TMEM266: variants seen among roughly 807,000 people sequenced by gnomAD.
The protein encoded by TMEM266 is Hv1 related protein 1.
TMEM266 carries 33 observed loss-of-function variants against 50.5 expected under a neutral mutation model. The ratio of observed to expected loss-of-function variants is 0.65; its 90% confidence interval spans 0.50 to 0.87. The LOEUF (loss-of-function observed/expected upper bound fraction) is 0.87. Ranked by LOEUF, TMEM266 falls within the 40% of genes least tolerant of loss-of-function variation. The pLI is 0.00. For missense variants in TMEM266, 655 were observed against 695.1 expected, an observed-to-expected ratio of 0.94 and a Z score of 0.65; for synonymous variants, 310 against 292.3, an observed-to-expected ratio of 1.06 and a Z score of -0.62.
intron 6 of TMEM266, 26 bp downstream of exon 6, chr15:76,169,898 G>A (rs1567174702): frequency 3.7e-6 from 6 of 1,607,296 alleles, no homozygotes. Context: ...CACCCCCAAA[G>A]CCCCCACTCT....
At chr15:76,062,101 TAGA>T (rs529545461) in intron 1 of TMEM266, among the ~76,000 whole-genome samples, 1 of 152,352 alleles carries the variant, frequency 6.6e-6, no homozygotes, top group South Asian at 2.1e-4. Flanking sequence ...CTCATGGACT[TAGA>T]AATTGCTGTA....
intron 1 of TMEM266, among the ~76,000 whole-genome samples, chr15:76,124,846 C>T (rs534496846): frequency 3.3e-4 from 50 of 151,954 alleles, no homozygotes; most frequent in African/African-American, 1.2e-3. Context: ...AAAAAAATTC[C>T]TAAAATTTGT....
intron 3 of TMEM266, among the ~76,000 whole-genome samples, chr15:76,145,642 T>G (rs8043371): frequency 0.15 from 23,334 of 152,248 alleles, 2,002 homozygotes; most frequent in African/African-American, 0.21. Context: ...GTGTGAACAT[T>G]AGAGAGAGGA....
At position 76,076,977 on chromosome 15, in the gene TMEM266, T is replaced by TG. The variant is rs1469366534; in HGVS notation, c.-97+16961_-97+16962insG. ...TGTTTGTTGTTGTTGTTGTTGTTGT[T>TG]TTTTTGAGACAAGGCCTCACTCTGT... On this transcript the variant is annotated intron_variant, in intron 1 of 10. Coordinates refer to ENST00000388942, the MANE Select transcript of TMEM266 (RefSeq NM_152335.3). Among the ~76,000 whole-genome samples, 471 of 152,016 alleles carry TG rather than the reference T, an allele frequency of 3.1e-3. 6 individuals are homozygous for TG. The highest frequency in any genetic ancestry group is 0.011 in the African/African-American group (448 of 41,354).
intron 1 of TMEM266, among the ~76,000 whole-genome samples, chr15:76,065,877 T>A (rs1251679972): frequency 1.3e-5 from 2 of 152,140 alleles, no homozygotes; most frequent in African/African-American, 4.8e-5. Context: ...CTTCTGAGGC[T>A]TTGTCCCGCG....
intron 5 of TMEM266, among the ~76,000 whole-genome samples, chr15:76,167,237 G>T (rs887289298): frequency 2.6e-5 from 4 of 152,090 alleles, no homozygotes; most frequent in Non-Finnish European, 4.4e-5. Flanking sequence ...TTGGGAGGCC[G>T]AGGCTGGCGG....
At chr15:76,098,693 C>A (rs990066348) in intron 1 of TMEM266, among the ~76,000 whole-genome samples, 1 of 152,066 alleles carries the variant, frequency 6.6e-6, no homozygotes, top group Non-Finnish European at 1.5e-5. Context: ...CGCCCCTTTC[C>A]CCAGGTGCTC....
chr15:76,075,432 G>T (rs2036590828), intron 1 of TMEM266, among the ~76,000 whole-genome samples: 1 of 152,122 alleles, frequency 6.6e-6, no homozygotes, highest in Non-Finnish European at 1.5e-5. Context: ...GTAAGTGATT[G>T]GTTGTGTCTA....
chr15:76,073,753 C>T (rs1345985698), intron 1 of TMEM266, among the ~76,000 whole-genome samples: 1 of 152,226 alleles, frequency 6.6e-6, no homozygotes, highest in Non-Finnish European at 1.5e-5. Flanking sequence ...AGACACCACA[C>T]TATCAAATGA....
At chr15:76,188,349 C>G (rs1335489690) in intron 8 of TMEM266, among the ~76,000 whole-genome samples, 3 of 152,206 alleles carry the variant, frequency 2.0e-5, no homozygotes, top group East Asian at 3.9e-4. Flanking sequence ...GGGGGAAAAG[C>G]CCCTTATAAA....
intron 8 of TMEM266, among the ~76,000 whole-genome samples, chr15:76,179,952 T>A (rs772033949): frequency 1.3e-5 from 2 of 152,072 alleles, no homozygotes; most frequent in African/African-American, 2.4e-5. Context: ...AGACTGTCTC[T>A]AAAACAAAAC....
chr15:76,093,124 T>C (rs188045671), intron 1 of TMEM266, among the ~76,000 whole-genome samples: 3 of 151,748 alleles, frequency 2.0e-5, no homozygotes, highest in Admixed American at 1.3e-4. Flanking sequence ...TTTTTATTTA[T>C]TTATTTATTT....
chr15:76,160,302 C>A lies in TMEM266; in HGVS notation c.456+134C>A. ...CCTTGAGGCTGCTGGGAGGGAGACA[C>A]AATATAGATAGATGATCTCTGCGGG... is the stretch of plus-strand genomic sequence containing the variant. On this transcript the variant is annotated intron_variant, in intron 5 of 10. Coordinates refer to ENST00000388942, the MANE Select transcript of TMEM266 (RefSeq NM_152335.3). The surrounding 1 kb of genome is among the most constrained non-coding windows in gnomAD (Gnocchi z 5.7). 2 of 900,914 alleles carry A rather than the reference C, an allele frequency of 2.2e-6. No homozygotes were observed. Among genetic ancestry groups the A allele is most frequent in the Admixed American group, 2.0e-5 (1 of 50,048 alleles). The allele number at this position is 900,914 out of a possible 1,614,324, so 55.8% of individuals were successfully genotyped here.
intron 2 of TMEM266, among the ~76,000 whole-genome samples, chr15:76,135,771 C>T (rs1026841720): frequency 6.6e-6 from 1 of 152,130 alleles, no homozygotes; most frequent in Non-Finnish European, 1.5e-5. Flanking sequence ...TAAATAAAGC[C>T]TACAAATGAG....
intron 3 of TMEM266, among the ~76,000 whole-genome samples, chr15:76,142,518 G>C (rs2037696042): frequency 1.3e-5 from 2 of 152,246 alleles, no homozygotes; most frequent in Admixed American, 6.5e-5. Flanking sequence ...GCTTTCTGCA[G>C]TGGTTGCTGC....
chr15:76,102,142 C>G (rs558830920), intron 1 of TMEM266, among the ~76,000 whole-genome samples: 1 of 152,198 alleles, frequency 6.6e-6, no homozygotes, highest in East Asian at 1.9e-4. Flanking sequence ...GATGGGACCT[C>G]TCCATCCTCT....
intron 7 of TMEM266, among the ~76,000 whole-genome samples, chr15:76,171,668 C>A (rs1413665743): frequency 1.3e-5 from 2 of 152,216 alleles, no homozygotes; most frequent in Non-Finnish European, 2.9e-5. Context: ...CAGGGGCTGG[C>A]TTTTGGCATG....
chr15:76,074,377 G>A (rs1441323996), intron 1 of TMEM266, among the ~76,000 whole-genome samples: 1 of 151,974 alleles, frequency 6.6e-6, no homozygotes, highest in Admixed American at 6.6e-5. Flanking sequence ...ATCCACGTCT[G>A]GAATTCTTTT....
rs191520242 is a variant in TMEM266 at position 76,160,963 on chromosome 15, T to C, written c.456+795T>C. 1.2e-3 allele frequency among the ~76,000 whole-genome samples: 177 copies of C among 152,306 alleles called. No individual in the cohort carries two copies. Among genetic ancestry groups the C allele is most frequent in the African/African-American group, 3.9e-3 (163 of 41,566 alleles). ...TTCCCAGGCTGTCCCAGTGAGACTC[T>C]GGCCTGCATCTGGGTGTGGGAGGAA... On this transcript the variant is annotated intron_variant, in intron 5 of 10. Transcript: ENST00000388942. This position sits in a 1 kb window ranked among gnomAD's most constrained non-coding sequence, Gnocchi z 5.7.
Sources: allele counts gnomAD v4.1 joint callset (sites outside exome capture counted in the v4.1 genomes callset), GRCh38; gene constraint gnomAD v4.1.1; non-coding constraint Gnocchi (gnomAD v3.1); transcripts MANE v1.5; gene names NCBI Gene and HGNC (gene_info 2026-07-23, HGNC 2026-07-21).